Variants in LINGO1 observed in about 807,000 individuals in gnomAD.
LINGO1 encodes the protein leucine-rich repeat and immunoglobulin-like domain-containing nogo receptor-interacting protein 1.
Under a neutral mutation model 37.3 loss-of-function variants are expected in LINGO1, and 11 were observed. The ratio of observed to expected loss-of-function variants is 0.29; its 90% CI spans 0.19 to 0.49. The LOEUF is 0.49. LINGO1 is among the 20% of genes least tolerant of loss of function. The pLI, the probability that LINGO1 is intolerant of heterozygous loss-of-function variation, is 0.99. For synonymous variants in LINGO1, 387 were observed against 403.0 expected (o/e 0.96, Z 0.48); for missense variants, 585 against 878.2 (o/e 0.67, Z 4.22).
intron 2 of LINGO1, among the ~76,000 whole-genome samples, chr15:77,702,188 C>T (rs909963704): frequency 1.3e-5 from 2 of 152,174 alleles, no homozygotes; most frequent in East Asian, 1.9e-4. Context: ...GGCTGTGGGG[C>T]TCTACCCCAT....
At chr15:77,623,289 A>C (rs2073981018) in intron 1 of LINGO1, among the ~76,000 whole-genome samples, 1 of 152,194 alleles carries the variant, frequency 6.6e-6, no homozygotes. Flanking sequence ...AAAGGTGTGC[A>C]GGGGGGAAGG....
chr15:77,806,674 G>A lies in LINGO1; in HGVS notation c.-457-10621C>T, dbSNP rs1567594490. 3.9e-5 allele frequency among the ~76,000 whole-genome samples: 6 copies of A among 152,078 alleles called. No homozygotes were observed. The South Asian group carries it at 1.2e-3, about 31-fold the overall frequency. On this transcript the variant is annotated intron_variant, in intron 1 of 5. Transcript: ENST00000562933. ...AGCAGCAGAGGCCTATGAACTGGAC[G>A]CCTGCTTCCTCAGATACTCTAGGGG...
At chr15:77,671,124 T>A (rs541229875) in intron 3 of LINGO1, among the ~76,000 whole-genome samples, 1 of 151,546 alleles carries the variant, frequency 6.6e-6, no homozygotes, top group Non-Finnish European at 1.5e-5. Context: ...TCTGGGAGGG[T>A]GTGCAGGTGA....
At chr15:77,781,902 G>T (rs1315896539) in intron 1 of LINGO1, among the ~76,000 whole-genome samples, 1 of 152,338 alleles carries the variant, frequency 6.6e-6, no homozygotes, top group East Asian at 1.9e-4. Flanking sequence ...CTGCAAAATG[G>T]TAGCCCTGGA....
At chr15:77,724,282 G>T (rs566584827) in intron 2 of LINGO1, among the ~76,000 whole-genome samples, 3 of 152,216 alleles carry the variant, frequency 2.0e-5, no homozygotes, top group Non-Finnish European at 4.4e-5. Context: ...CAGCATCAGG[G>T]GCTTTTGAGG....
chr15:77,802,419 G>A (rs1415862335), intron 1 of LINGO1, among the ~76,000 whole-genome samples: 1 of 151,850 alleles, frequency 6.6e-6, no homozygotes, highest in Non-Finnish European at 1.5e-5. Context: ...TTCCCCCAAG[G>A]TGTGTGTGTG....
chr15:77,773,639 G>A (rs2076607619), intron 1 of LINGO1, among the ~76,000 whole-genome samples: 1 of 152,154 alleles, frequency 6.6e-6, no homozygotes, highest in African/African-American at 2.4e-5. Flanking sequence ...CGACCCTGGA[G>A]ACAGAAGCTG....
chr15:77,798,123 G>T (rs779698053), intron 1 of LINGO1, among the ~76,000 whole-genome samples: 18 of 152,188 alleles, frequency 1.2e-4, no homozygotes, highest in Non-Finnish European at 2.5e-4. Context: ...GCTGGCCCTG[G>T]GTGCATCTCC....
At chr15:77,812,419 T>C (rs1453665976) in intron 1 of LINGO1, among the ~76,000 whole-genome samples, 1 of 152,112 alleles carries the variant, frequency 6.6e-6, no homozygotes, top group Non-Finnish European at 1.5e-5. Flanking sequence ...ACTTAACAGA[T>C]GGGAAAGCTG....
At chr15:77,806,911 G>C (rs1365179642) in intron 1 of LINGO1, among the ~76,000 whole-genome samples, 1 of 152,116 alleles carries the variant, frequency 6.6e-6, no homozygotes, top group Non-Finnish European at 1.5e-5. Flanking sequence ...TTCCCTGCAT[G>C]AGTGTCCTGC....
At chr15:77,715,641 G>A (rs2075974651) in intron 2 of LINGO1, among the ~76,000 whole-genome samples, 1 of 152,246 alleles carries the variant, frequency 6.6e-6, no homozygotes. Context: ...GGAACAAGAT[G>A]TCTGCATGCA....
At chr15:77,698,513 C>T (rs950861224), upstream of LINGO1, among the ~76,000 whole-genome samples, 5 of 152,084 alleles carry the variant, frequency 3.3e-5, no homozygotes, top group African/African-American at 9.7e-5. Flanking sequence ...GGGGAAGGGG[C>T]GGGGTCACAC....
intron 3 of LINGO1, among the ~76,000 whole-genome samples, chr15:77,658,483 C>G (rs1007185314): frequency 6.6e-5 from 10 of 152,252 alleles, no homozygotes; most frequent in African/African-American, 2.4e-4. Context: ...CAGTGCTGAA[C>G]TGGCAGATGC....
chr15:77,666,095 C>T (rs1321137356), intron 3 of LINGO1, among the ~76,000 whole-genome samples: 2 of 152,220 alleles, frequency 1.3e-5, no homozygotes, highest in African/African-American at 4.8e-5. Flanking sequence ...ACACAGCATC[C>T]AGCAAGTGTT....
chr15:77,777,933 G>GAGGAAGGA (rs1454268974), intron 1 of LINGO1, among the ~76,000 whole-genome samples: 8 of 140,584 alleles, frequency 5.7e-5, no homozygotes, highest in African/African-American at 2.1e-4. Flanking sequence ...CAAAAGAAAA[G>GAGGAAGGA]AGGAAGGAAG....
At chr15:77,659,434 C>T (rs1390799615) in intron 3 of LINGO1, among the ~76,000 whole-genome samples, 1 of 152,064 alleles carries the variant, frequency 6.6e-6, no homozygotes, top group African/African-American at 2.4e-5. Context: ...CTCAAGGGAG[C>T]CCTCATCACA....
intron 1 of LINGO1, among the ~76,000 whole-genome samples, chr15:77,694,374 C>T (rs2075654949): frequency 6.6e-6 from 1 of 152,120 alleles, no homozygotes; most frequent in East Asian, 1.9e-4. Context: ...GGGATCAGCC[C>T]AGGGTTCCAC....
intron 3 of LINGO1, chr15:77,648,976 C>T (rs2074698445): frequency 6.6e-6 from 1 of 152,270 alleles, no homozygotes; most frequent in Admixed American, 6.5e-5. Context: ...CACACACATC[C>T]CAGAACCCCT....
At chr15:77,775,654 G>A (rs2076629774) in intron 1 of LINGO1, among the ~76,000 whole-genome samples, 1 of 152,158 alleles carries the variant, frequency 6.6e-6, no homozygotes, top group Non-Finnish European at 1.5e-5. Context: ...CACACTCATT[G>A]CTCCTTGTCA....
Sources: allele counts gnomAD v4.1 joint callset (sites outside exome capture counted in the v4.1 genomes callset), GRCh38; gene constraint gnomAD v4.1.1; transcripts MANE v1.5; gene names NCBI Gene and HGNC (gene_info 2026-07-23, HGNC 2026-07-21).